The following TNR variants were observed in gnomAD, a reference collection of about 807,000 sequenced individuals.
TNR encodes the protein tenascin-R.
Under a neutral mutation model 150.4 loss-of-function variants are expected in TNR, and 45 were observed. That is an observed-to-expected ratio of 0.30 (90% CI 0.24 to 0.38). The LOEUF (loss-of-function observed/expected upper bound fraction) is 0.38, where lower values mean the gene tolerates loss of function less well. TNR is among the 10% of genes least tolerant of loss of function. TNR has a pLI of 1.00. For missense variants in TNR, 1,544 were observed against 1,759.1 expected (o/e 0.88, Z 2.19); for synonymous variants, 687 against 678.4 (o/e 1.01, Z -0.20).
Position 175,403,455 on chromosome 1 carries a change from A to C in TNR, c.661T>G (p.Cys221Gly), listed in dbSNP as rs1653812178. 1 of 1,614,098 alleles carries C rather than the reference A, an allele frequency of 6.2e-7. No homozygotes were observed. The highest frequency in any genetic ancestry group is 1.7e-5 in the Admixed American group (1 of 60,012). The change falls in exon 4 of 23, where the codon TGT becomes GGT. Residue 221 changes from cysteine to glycine, a missense_variant. Cys to Gly is a radical substitution (Grantham distance 159, BLOSUM62 -3). This residue lies in a region of TNR where 1,254 missense variants were observed against 1,329.4 expected (regional missense o/e 0.94). Transcript: ENST00000367674. Reference sequence around the variant, plus strand: ...TCATCCCCGCTGTACTCGCTGTCACAGATGCACTGGCCATCCACACACACC... The same window carrying C: ...TCATCCCCGCTGTACTCGCTGTCACCGATGCACTGGCCATCCACACACACC... ...RGVCVDGQCI[C>G]DSEYSGDDCS...
intron 6 of TNR, among the ~76,000 whole-genome samples, chr1:175,392,586 A>T (rs1653226918): frequency 6.6e-6 from 1 of 152,224 alleles, no homozygotes; most frequent in African/African-American, 2.4e-5. Context: ...ATTGTTATGT[A>T]ACTCAATTGC....
chr1:175,472,516 C>T lies in TNR; in HGVS notation c.-64+55753G>A, dbSNP rs184358262. On this transcript the variant is annotated intron_variant, in intron 2 of 22. Coordinates refer to ENST00000367674, the MANE Select transcript of TNR (RefSeq NM_003285.3). ...ACTTGCAGTGTGGTAGGTTTGTTTA[C>T]ACCAGCATCACTACAAACACGTGAG... is the stretch of plus-strand genomic sequence containing the variant. 6.6e-5 allele frequency among the ~76,000 whole-genome samples: 10 copies of T among 152,274 alleles called. No homozygotes were observed. In the South Asian group the frequency reaches 2.1e-3, roughly 32 times the overall value.
intron 18 of TNR, among the ~76,000 whole-genome samples, chr1:175,346,888 G>GAAAAAAAAAAAAAAAAAAA (rs59468796): frequency 2.4e-5 from 3 of 125,076 alleles, no homozygotes; most frequent in Non-Finnish European, 5.0e-5. Flanking sequence ...TTCCACAAAA[G>GAAAAAAAAAAAAAAAAAAA]AAAAAAAAAA....
intron 1 of TNR, among the ~76,000 whole-genome samples, chr1:175,602,454 A>G (rs932721166): frequency 6.6e-6 from 1 of 152,190 alleles, no homozygotes; most frequent in Admixed American, 6.5e-5. Flanking sequence ...CACCGTGAGA[A>G]CAGCTGGTCT....
In TNR at chr1:175,443,946, C is replaced by T. The variant is rs144542388; in HGVS notation, c.-63-37169G>A. 4.7e-3 allele frequency among the ~76,000 whole-genome samples: 718 copies of T among 152,172 alleles called. 1 individual carries two copies. The highest frequency in any genetic ancestry group is 8.0e-3 in the Non-Finnish European group (546 of 68,016). On this transcript the variant is annotated intron_variant, in intron 2 of 22. Coordinates refer to ENST00000367674, the MANE Select transcript of TNR (RefSeq NM_003285.3). ...ATCTGCAGAGGAATCTAATCAAGGA[C>T]TGGATTTCTAATTGATGTGGGCTTA...
intron 7 of TNR, among the ~76,000 whole-genome samples, chr1:175,388,189 A>C (rs1217979592): frequency 6.6e-6 from 1 of 152,146 alleles, no homozygotes; most frequent in African/African-American, 2.4e-5. Flanking sequence ...GTGTCGAGTA[A>C]ATGAAATGAA....
intron 1 of TNR, among the ~76,000 whole-genome samples, chr1:175,626,669 T>C (rs1054402115): frequency 1.3e-5 from 2 of 152,250 alleles, no homozygotes; most frequent in African/African-American, 2.4e-5. Context: ...ATATGTCTTA[T>C]TTATATTTGT....
chr1:175,484,854 C>T (rs16848512), intron 2 of TNR, among the ~76,000 whole-genome samples: 1,918 of 152,188 alleles, frequency 0.013, 30 homozygotes, highest in African/African-American at 0.043. Context: ...ACCTGTCCTT[C>T]GATAGAGCTT....
chr1:175,509,819 T>C (rs912300330), intron 2 of TNR, among the ~76,000 whole-genome samples: 2 of 152,246 alleles, frequency 1.3e-5, no homozygotes, highest in African/African-American at 4.8e-5. Flanking sequence ...CATCTTGTAC[T>C]GTATTTTTAA....
chr1:175,536,824 T>C (rs1049660764), intron 1 of TNR, among the ~76,000 whole-genome samples: 11 of 152,172 alleles, frequency 7.2e-5, no homozygotes, highest in African/African-American at 2.7e-4. Flanking sequence ...TTAGCAAATA[T>C]TATAGAAATT....
intron 2 of TNR, among the ~76,000 whole-genome samples, chr1:175,474,173 A>G (rs1052194625): frequency 3.9e-5 from 6 of 152,170 alleles, no homozygotes; most frequent in Non-Finnish European, 8.8e-5. Context: ...GGGAGAAGAC[A>G]CCAGTTATGG....
intron 1 of TNR, among the ~76,000 whole-genome samples, chr1:175,546,597 C>A (rs1660697247): frequency 1.3e-5 from 2 of 152,292 alleles, no homozygotes; most frequent in East Asian, 1.9e-4. Context: ...TATCACATAA[C>A]CAAGTACCCA....
chr1:175,488,700 G>T (rs900593031), intron 2 of TNR, among the ~76,000 whole-genome samples: 7 of 152,220 alleles, frequency 4.6e-5, no homozygotes, highest in Non-Finnish European at 1.0e-4. Context: ...CTATGGGCTA[G>T]TGCACATGTC....
chr1:175,331,065 CTTT>C (rs1557867888), intron 20 of TNR, among the ~76,000 whole-genome samples: 14 of 129,862 alleles, frequency 1.1e-4, no homozygotes, highest in South Asian at 2.4e-4. Context: ...TTCTTTCTTT[CTTT>C]CTTTCTTTCC....
chr1:175,477,301 A>G (rs1657584921), intron 2 of TNR, among the ~76,000 whole-genome samples: 1 of 152,198 alleles, frequency 6.6e-6, no homozygotes, highest in Non-Finnish European at 1.5e-5. Context: ...TATGTTCCAC[A>G]CATACTCAGA....
At chr1:175,571,041 C>T (rs1661846216) in intron 1 of TNR, among the ~76,000 whole-genome samples, 1 of 152,150 alleles carries the variant, frequency 6.6e-6, no homozygotes, top group African/African-American at 2.4e-5. Flanking sequence ...GCACTCTCTG[C>T]TCTTCACCCA....
At chr1:175,479,665 A>G (rs1487123712) in intron 2 of TNR, among the ~76,000 whole-genome samples, 7 of 152,154 alleles carry the variant, frequency 4.6e-5, no homozygotes, top group Non-Finnish European at 7.3e-5. Flanking sequence ...TCAAGCTAAA[A>G]TAACAGCACT....
chr1:175,705,828 T>C (rs56256582), intron 1 of TNR, among the ~76,000 whole-genome samples: 7,686 of 152,320 alleles, frequency 0.05, 257 homozygotes, highest in African/African-American at 0.084. Flanking sequence ...AAATCTAGGT[T>C]TCTTCATGTA....
chr1:175,345,375 G>A (rs1365132972), intron 18 of TNR, among the ~76,000 whole-genome samples: 2 of 152,110 alleles, frequency 1.3e-5, no homozygotes, highest in Non-Finnish European at 2.9e-5. Flanking sequence ...TAAGACTACT[G>A]TGAAAGAAAG....
Sources: allele counts gnomAD v4.1 joint callset (sites outside exome capture counted in the v4.1 genomes callset), GRCh38; gene constraint gnomAD v4.1.1; regional missense constraint gnomAD v4.1.1; transcripts MANE v1.5; gene names NCBI Gene and HGNC (gene_info 2026-07-23, HGNC 2026-07-21).